Variants in CTIF observed in about 807,000 individuals in gnomAD.
CTIF encodes the protein CBP80/20-dependent translation initiation factor.
Under a neutral mutation model 66.0 loss-of-function variants are expected in CTIF, and 21 were observed. The ratio of observed to expected loss-of-function variants is 0.32; its 90% confidence interval spans 0.23 to 0.46. The LOEUF (loss-of-function observed/expected upper bound fraction) is 0.46, where lower values mean the gene tolerates loss of function less well. CTIF is among the 20% of genes least tolerant of loss of function. The pLI, the probability that CTIF is intolerant of heterozygous loss-of-function variation, is 1.00. For synonymous variants in CTIF, 345 were observed against 326.4 expected, an observed-to-expected ratio of 1.06 and a Z score of -0.62; for missense variants, 739 against 812.7, an observed-to-expected ratio of 0.91 and a Z score of 1.10.
intron 9 of CTIF, among the ~76,000 whole-genome samples, chr18:48,796,394 T>G (rs1393586430): frequency 6.6e-6 from 1 of 152,062 alleles, no homozygotes; most frequent in Admixed American, 6.5e-5. Context: ...GCCAGGATGG[T>G]CTCCATATCC....
In CTIF at chr18:48,707,544, G is replaced by GTCC. The variant is rs1284972268; in HGVS notation, c.508-4069_508-4067dup. Among the ~76,000 whole-genome samples the GTCC allele has an allele frequency of 5.3e-5, 8 of 151,062 alleles. No homozygotes were observed. In the South Asian group the frequency reaches 1.3e-3, roughly 24 times the overall value. On this transcript the variant is annotated intron_variant, in intron 6 of 11. Coordinates refer to ENST00000256413, the MANE Select transcript of CTIF (RefSeq NM_014772.3). ...TCTTCTCCTCCTCCTTCTTTTCCTT[G>GTCC]TCCTCCTCTTCTTCTTCTTCTTCCT...
Position 48,619,734 on chromosome 18 carries a change from C to T in CTIF, c.169C>T (p.His57Tyr), listed in dbSNP as rs1307269245. The T allele has an allele frequency of 1.3e-6, 2 of 1,596,768 alleles. No individual in the cohort carries two copies. Among genetic ancestry groups the T allele is most frequent in the East Asian group, 2.3e-5 (1 of 44,142 alleles). The change falls in exon 2 of 12, where the codon CAC (histidine) becomes TAC (tyrosine). Residue 57 changes from histidine to tyrosine, a missense_variant. Coordinates refer to ENST00000256413, the MANE Select transcript of CTIF (RefSeq NM_014772.3). The part of the protein sequence containing the change: ...GDGESERTQS[H>Y]ISQWTADCSE... ...TGGCGAGAGCGAGAGGACCCAGTCCCACATCTCCCAGGTGAGCGCGGGCCC... is the reference window on the plus strand; with the variant it reads ...TGGCGAGAGCGAGAGGACCCAGTCCTACATCTCCCAGGTGAGCGCGGGCCC...
At chr18:48,800,320 C>T (rs2068022372) in intron 9 of CTIF, among the ~76,000 whole-genome samples, 1 of 152,198 alleles carries the variant, frequency 6.6e-6, no homozygotes, top group South Asian at 2.1e-4. Flanking sequence ...CTGCCAGATA[C>T]TCAAGAGAGG....
At chr18:48,739,409 A>G (rs2092534940) in intron 7 of CTIF, among the ~76,000 whole-genome samples, 1 of 152,024 alleles carries the variant, frequency 6.6e-6, no homozygotes, top group African/African-American at 2.4e-5. Context: ...CACTGCGGGG[A>G]GGTTTTCAGT....
chr18:48,787,332 A>AAGAGAGGGAGGGAAATAGGG (rs1911801794), intron 9 of CTIF, among the ~76,000 whole-genome samples: 1 of 152,096 alleles, frequency 6.6e-6, no homozygotes, highest in African/African-American at 2.4e-5. Flanking sequence ...GAAAGACAGA[A>AAGAGAGGGAGGGAAATAGGG]AGAGAGGGAG....
chr18:48,747,960 C>CA (rs960711890), intron 7 of CTIF, among the ~76,000 whole-genome samples: 7 of 150,438 alleles, frequency 4.7e-5, no homozygotes, highest in East Asian at 2.0e-4. Flanking sequence ...TATTATTTAA[C>CA]AAAAAAAAGG....
At chr18:48,769,332 C>CTGAA in intron 9 of CTIF, among the ~76,000 whole-genome samples, 1 of 152,382 alleles carries the variant, frequency 6.6e-6, no homozygotes, top group East Asian at 1.9e-4. Flanking sequence ...ATCAGAAAGG[C>CTGAA]TGAAGCAAAG....
chr18:48,761,328 C>A lies in CTIF; in HGVS notation c.1072-62C>A, dbSNP rs1288362771. On this transcript the variant is annotated intron_variant, in intron 8 of 11. Transcript: ENST00000256413. The surrounding 1 kb of genome is among the most constrained non-coding windows in gnomAD (Gnocchi z 4.2). The stretch of plus-strand genomic sequence containing the variant: ...GGGTGGCCACCCTCTTTCCACCAGG[C>A]CACCCCTGCACAGAGACCTCGGCTT... 6.5e-7 allele frequency: 1 copy of A among 1,531,332 alleles called. No individual in the cohort carries two copies. Among genetic ancestry groups the A allele is most frequent in the Non-Finnish European group, 8.9e-7 (1 of 1,125,318 alleles). The allele number at this position is 1,531,332 out of a possible 1,614,324, so 94.9% of individuals were successfully genotyped here.
intron 1 of CTIF, chr18:48,564,805 T>TGGCG (rs2089242963): frequency 6.6e-6 from 1 of 151,602 alleles, no homozygotes; most frequent in African/African-American, 2.4e-5. Flanking sequence ...TTTGTAGAGA[T>TGGCG]GGGGGGTCTC....
At chr18:48,757,715 G>T (rs974405689) in intron 7 of CTIF, among the ~76,000 whole-genome samples, 1 of 152,218 alleles carries the variant, frequency 6.6e-6, no homozygotes, top group Non-Finnish European at 1.5e-5. Context: ...GTCCTCTGCA[G>T]TAGCAAGGAC....
chr18:48,760,192 T>TC (rs1379617315), intron 8 of CTIF: 1 of 150,356 alleles, frequency 6.7e-6, no homozygotes, highest in East Asian at 1.9e-4. Flanking sequence ...TTTCTTTTTT[T>TC]TTTTTTTTTT....
At chr18:48,834,180 G>C (rs898416753) in intron 10 of CTIF, among the ~76,000 whole-genome samples, 3 of 152,204 alleles carry the variant, frequency 2.0e-5, no homozygotes, top group Non-Finnish European at 4.4e-5. Context: ...TCCCTGCGAG[G>C]TGTAGGGCGT....
intron 1 of CTIF, among the ~76,000 whole-genome samples, chr18:48,591,007 A>G (rs961166811): frequency 6.6e-6 from 1 of 152,192 alleles, no homozygotes; most frequent in Non-Finnish European, 1.5e-5. Flanking sequence ...GATCTCAGAA[A>G]TGGAGGAAGC....
At chr18:48,547,143 A>G (rs1289588267) in intron 1 of CTIF, among the ~76,000 whole-genome samples, 1 of 152,068 alleles carries the variant, frequency 6.6e-6, no homozygotes, top group African/African-American at 2.4e-5. Context: ...CTCGGTAGGA[A>G]CCTTTTAAAA....
intron 7 of CTIF, among the ~76,000 whole-genome samples, chr18:48,727,070 GCACACACACA>G (rs35188197): frequency 2.8e-4 from 41 of 144,590 alleles, no homozygotes; most frequent in Non-Finnish European, 5.0e-4. Context: ...CAAGTTAGCT[GCACACACACA>G]CACACACACA....
chr18:48,805,349 C>T (rs778711057), intron 9 of CTIF, among the ~76,000 whole-genome samples: 10 of 151,308 alleles, frequency 6.6e-5, no homozygotes, highest in Non-Finnish European at 1.2e-4. Context: ...GGGGGCCAGG[C>T]CGCAGGCCCT....
At chr18:48,816,236 C>T (rs892976825) in intron 9 of CTIF, among the ~76,000 whole-genome samples, 1 of 152,188 alleles carries the variant, frequency 6.6e-6, no homozygotes, top group African/African-American at 2.4e-5. Flanking sequence ...TTTAACGCCT[C>T]ACATCAGAAT....
At chr18:48,781,832 C>T (rs896976466) in intron 9 of CTIF, among the ~76,000 whole-genome samples, 1 of 152,160 alleles carries the variant, frequency 6.6e-6, no homozygotes. Flanking sequence ...GATACTTCCC[C>T]TAATATTTCT....
At chr18:48,605,391 T>C (rs2090183853) in intron 1 of CTIF, among the ~76,000 whole-genome samples, 1 of 152,236 alleles carries the variant, frequency 6.6e-6, no homozygotes, top group African/African-American at 2.4e-5. Context: ...TCTGGCCTTA[T>C]ATCCCCTCCT....
Sources: gnomAD v4.1 joint callset for allele counts (sites outside exome capture counted in the v4.1 genomes callset) on GRCh38, gnomAD v4.1.1 for gene constraint, Gnocchi (gnomAD v3.1) non-coding constraint, MANE v1.5 for transcripts, NCBI Gene and HGNC (gene_info 2026-07-23, HGNC 2026-07-21) for gene names.